The following PPFIA2 variants were observed in gnomAD, a reference collection of about 807,000 sequenced individuals.
The protein encoded by PPFIA2 is PPFI scaffold protein A2.
Under a neutral mutation model 175.5 loss-of-function variants are expected in PPFIA2, and 46 were observed. That is an observed-to-expected ratio of 0.26 (90% CI 0.21 to 0.34). The LOEUF (loss-of-function observed/expected upper bound fraction) is 0.34, where lower values mean the gene tolerates loss of function less well. PPFIA2 is among the 10% of genes least tolerant of loss of function. The probability of loss-of-function intolerance (pLI) is 1.00; values close to 1 mark genes in which losing one functional copy is unlikely to be tolerated. For synonymous variants in PPFIA2, 568 were observed against 511.4 expected, an observed-to-expected ratio of 1.11 and a Z score of -1.49; for missense variants, 1,179 against 1,506.1, an observed-to-expected ratio of 0.78 and a Z score of 3.60.
chr12:81,261,514 C>T (rs2035537711), intron 32 of PPFIA2, among the ~76,000 whole-genome samples: 1 of 152,102 alleles, frequency 6.6e-6, no homozygotes, highest in African/African-American at 2.4e-5. Context: ...AAATCATTTT[C>T]CTGTCTGTTG....
chr12:81,539,623 A>C (rs2153334798), intron 4 of PPFIA2, among the ~76,000 whole-genome samples: 1 of 152,044 alleles, frequency 6.6e-6, no homozygotes, highest in African/African-American at 2.4e-5. Context: ...TGCATGCTAA[A>C]GTTTAAGAAC....
chr12:81,294,129 G>A (rs2045808220), intron 24 of PPFIA2, among the ~76,000 whole-genome samples: 1 of 151,980 alleles, frequency 6.6e-6, no homozygotes, highest in Admixed American at 6.6e-5. Flanking sequence ...AACAGACATT[G>A]GAGACTCCAA....
intron 3 of PPFIA2, among the ~76,000 whole-genome samples, chr12:81,715,353 C>T (rs191629396): frequency 4.0e-5 from 6 of 151,708 alleles, no homozygotes; most frequent in East Asian, 2.0e-4. Flanking sequence ...ATATTAATAG[C>T]GAAATCGGTA....
At chr12:81,384,661 A>G (rs1024105096) in intron 8 of PPFIA2, among the ~76,000 whole-genome samples, 1 of 152,000 alleles carries the variant, frequency 6.6e-6, no homozygotes, top group South Asian at 2.1e-4. Context: ...CAATTTTAAA[A>G]TTTTTCTTCA....
At chr12:81,284,210 C>T in intron 25 of PPFIA2, 31 bp downstream of exon 25, 1 of 1,508,402 alleles carries the variant, frequency 6.6e-7, no homozygotes, top group Non-Finnish European at 9.2e-7. Flanking sequence ...AGTCACTTTC[C>T]TTCAGGTTCA....
At chr12:81,475,028 A>G (rs531767759) in intron 4 of PPFIA2, among the ~76,000 whole-genome samples, 3 of 152,342 alleles carry the variant, frequency 2.0e-5, no homozygotes, top group Admixed American at 2.0e-4. Context: ...ATTATTTCCA[A>G]TTTTAATTAT....
chr12:81,461,284 A>G (rs2054496969), intron 4 of PPFIA2, among the ~76,000 whole-genome samples: 1 of 152,072 alleles, frequency 6.6e-6, no homozygotes, highest in African/African-American at 2.4e-5. Flanking sequence ...AGCAGTGATG[A>G]ATAACTTGTT....
intron 16 of PPFIA2, among the ~76,000 whole-genome samples, chr12:81,356,450 C>G (rs953070616): frequency 1.3e-5 from 2 of 151,962 alleles, no homozygotes; most frequent in Non-Finnish European, 2.9e-5. Context: ...ATCACTTGAG[C>G]ACAGGAGTTT....
chr12:81,283,351 T>C (rs184079101), intron 25 of PPFIA2, among the ~76,000 whole-genome samples: 1 of 152,204 alleles, frequency 6.6e-6, no homozygotes, highest in East Asian at 1.9e-4. Context: ...TGTAATGTGC[T>C]ATAATAAAAA....
chr12:81,402,325 C>T (rs1448352236), intron 8 of PPFIA2, among the ~76,000 whole-genome samples: 1 of 150,218 alleles, frequency 6.7e-6, no homozygotes, highest in Non-Finnish European at 1.5e-5. Context: ...TTTGAATATA[C>T]CTTTTTAAAA....
intron 23 of PPFIA2, among the ~76,000 whole-genome samples, chr12:81,295,954 G>C (rs12813937): frequency 0.38 from 56,726 of 151,136 alleles, 12,012 homozygotes; most frequent in Non-Finnish European, 0.49. Context: ...CAGGCCTTTA[G>C]ACTCCAGGCT....
chr12:81,415,194 AAAAAAAAAAAAAAAAAATATATATAT>A (rs2044769257), intron 7 of PPFIA2, among the ~76,000 whole-genome samples: 1 of 50,340 alleles, frequency 2.0e-5, no homozygotes, highest in Non-Finnish European at 3.7e-5. Flanking sequence ...AAAAAAAAAA[AAAAAAAAAAAAAAAAAATATATATAT>A]ATATATATAT....
intron 3 of PPFIA2, among the ~76,000 whole-genome samples, chr12:81,698,765 C>CACACAA (rs577089125): frequency 9.6e-5 from 4 of 41,492 alleles, no homozygotes; most frequent in South Asian, 1.0e-3. Flanking sequence ...GTCCTTTATA[C>CACACAA]ACACACACAC....
chr12:81,344,956 G>A (rs1038923453), intron 18 of PPFIA2, among the ~76,000 whole-genome samples: 4 of 152,120 alleles, frequency 2.6e-5, no homozygotes, highest in Non-Finnish European at 5.9e-5. Context: ...TACGAGGCAT[G>A]GACCCTGGGA....
At chr12:81,341,401 A>G (rs1205594746) in intron 19 of PPFIA2, among the ~76,000 whole-genome samples, 193 bp from the exon 20 acceptor site, 1 of 151,374 alleles carries the variant, frequency 6.6e-6, no homozygotes, top group Non-Finnish European at 1.5e-5. Context: ...TTTAAATTGG[A>G]CACATTAAAA....
intron 21 of PPFIA2, among the ~76,000 whole-genome samples, chr12:81,336,655 C>G (rs1371631108): frequency 6.6e-6 from 1 of 152,116 alleles, no homozygotes; most frequent in Non-Finnish European, 1.5e-5. Flanking sequence ...TGTAGTATAG[C>G]TGCTTTCAAC....
intron 7 of PPFIA2, among the ~76,000 whole-genome samples, chr12:81,427,860 T>G (rs2047419857): frequency 6.6e-6 from 1 of 151,996 alleles, no homozygotes; most frequent in Non-Finnish European, 1.5e-5. Flanking sequence ...ACTAATACAT[T>G]CTATTTCATG....
chr12:81,397,037 G>A (rs1016691545), intron 8 of PPFIA2, among the ~76,000 whole-genome samples: 2 of 152,168 alleles, frequency 1.3e-5, no homozygotes, highest in Admixed American at 6.6e-5. Context: ...AATTTTTTAA[G>A]GGGGGATATC....
chr12:81,434,694 A>C (rs983408387), intron 7 of PPFIA2, among the ~76,000 whole-genome samples: 8 of 152,116 alleles, frequency 5.3e-5, no homozygotes, highest in Non-Finnish European at 8.8e-5. Flanking sequence ...GCATTAGTGT[A>C]CTGACATATA....
Sources: gnomAD v4.1 joint callset for allele counts (sites outside exome capture counted in the v4.1 genomes callset) on GRCh38, gnomAD v4.1.1 for gene constraint, MANE v1.5 for transcripts, NCBI Gene and HGNC (gene_info 2026-07-23, HGNC 2026-07-21) for gene names.